Variants in GINS1 observed in about 807,000 individuals in gnomAD.
GINS1 encodes the protein GINS complex subunit 1.
GINS1 carries 26 observed loss-of-function variants against 34.9 expected under a neutral mutation model. The ratio of observed to expected loss-of-function variants is 0.74; its 90% CI spans 0.55 to 1.03. The LOEUF (loss-of-function observed/expected upper bound fraction) is 1.03, where lower values mean the gene tolerates loss of function less well. Ranked by LOEUF, GINS1 falls within the 50% of genes least tolerant of loss-of-function variation. GINS1 has a pLI of 0.00. For missense variants in GINS1, 235 were observed against 237.9 expected, an observed-to-expected ratio of 0.99 and a Z score of 0.08; for synonymous variants, 97 against 84.4, an observed-to-expected ratio of 1.15 and a Z score of -0.82.
rs1440650979 is a variant in GINS1, at chr20:25,407,995, C to T, written c.75+100C>T. On this transcript the variant is annotated intron_variant, in intron 1 of 6. Coordinates refer to ENST00000262460, the MANE Select transcript of GINS1 (RefSeq NM_021067.5). ...AGGGTTCACTTTCGCACCTTGTTCC[C>T]TCCGAGCTCCGGAAAACTTGGGAAG... is the stretch of plus-strand genomic sequence containing the variant. 24 of 811,360 alleles carry T rather than the reference C, an allele frequency of 3.0e-5. No homozygotes were observed. The Admixed American group carries it at 3.9e-4, about 13-fold the overall frequency. 50.3% of individuals were successfully genotyped at this position (811,360 alleles called of 1,614,324 possible).
chr20:25,440,052 G>A (rs2090474157), intron 5 of GINS1, among the ~76,000 whole-genome samples: 1 of 151,208 alleles, frequency 6.6e-6, no homozygotes, highest in African/African-American at 2.4e-5. Flanking sequence ...TTATTTATTT[G>A]AGACGGAGTC....
intron 5 of GINS1, among the ~76,000 whole-genome samples, chr20:25,439,994 C>CA (rs34429395): frequency 0.019 from 2,343 of 124,606 alleles, 40 homozygotes; most frequent in African/African-American, 0.06. Context: ...GACTCTGTCT[C>CA]AAAAAAAAAA....
chr20:25,407,774 G>C lies in GINS1; in HGVS notation c.-47G>C. On this transcript the variant is annotated 5_prime_UTR_variant, in exon 1 of 7. Coordinates refer to ENST00000262460, the MANE Select transcript of GINS1 (RefSeq NM_021067.5). ...CCGAGAGCCCAGATACCATTTTGGC[G>C]TGAGAGCTGGTGGTTGGCAAGGCCG... 8 of 1,454,382 alleles carry C rather than the reference G, an allele frequency of 5.5e-6. No individual in the cohort carries two copies. The highest frequency in any genetic ancestry group is 7.7e-6 in the Non-Finnish European group (8 of 1,035,556). The allele number at this position is 1,454,382 out of a possible 1,614,324, so 90.1% of individuals were successfully genotyped here.
At chr20:25,436,954 G>A (rs2090457732) in intron 5 of GINS1, among the ~76,000 whole-genome samples, 1 of 152,148 alleles carries the variant, frequency 6.6e-6, no homozygotes, top group African/African-American at 2.4e-5. Context: ...TTCCCCCAGG[G>A]TTTGCTGGTT....
At chr20:25,408,542 ACATTAT>A (rs1439519811) in intron 1 of GINS1, among the ~76,000 whole-genome samples, 2 of 152,232 alleles carry the variant, frequency 1.3e-5, no homozygotes, top group African/African-American at 4.8e-5. Context: ...CACTTCATGT[ACATTAT>A]CTTTTGTCTT....
intron 5 of GINS1, among the ~76,000 whole-genome samples, chr20:25,431,647 T>A (rs2090427638): frequency 6.6e-6 from 1 of 151,304 alleles, no homozygotes; most frequent in Non-Finnish European, 1.5e-5. Flanking sequence ...CTCAGCTCAC[T>A]TCATCCTCCG....
chr20:25,417,691 A>G (rs1472266263), intron 3 of GINS1, among the ~76,000 whole-genome samples: 1 of 152,136 alleles, frequency 6.6e-6, no homozygotes, highest in Non-Finnish European at 1.5e-5. Context: ...CCCTGTCTCT[A>G]CTAAAAATAC....
intron 5 of GINS1, among the ~76,000 whole-genome samples, chr20:25,435,575 C>G (rs546858915): frequency 1.3e-5 from 2 of 151,560 alleles, no homozygotes; most frequent in Non-Finnish European, 2.9e-5. Context: ...CTGAGCAAAA[C>G]GATGAAACCC....
At chr20:25,433,303 A>G (rs1370541668) in intron 5 of GINS1, among the ~76,000 whole-genome samples, 2 of 151,706 alleles carry the variant, frequency 1.3e-5, no homozygotes, top group African/African-American at 4.8e-5. Flanking sequence ...TGCCTTCTTC[A>G]GTATTTAGTT....
Position 25,441,560 on chromosome 20 carries a change from A to G in GINS1, c.448-142A>G, listed in dbSNP as rs184737599. ...CACTTGGAACTATTAGAATACCACA[A>G]TAGTAGTACTAGGCCTAAGTACATG... On this transcript the variant is annotated intron_variant, in intron 5 of 6. Coordinates refer to ENST00000262460, the MANE Select transcript of GINS1 (RefSeq NM_021067.5). 4 of 511,150 alleles carry G rather than the reference A, an allele frequency of 7.8e-6. No homozygotes were observed. In the East Asian group the frequency reaches 1.3e-4, roughly 16 times the overall value. The allele number at this position is 511,150 out of a possible 1,614,324, so 31.7% of individuals were successfully genotyped here.
intron 4 of GINS1, among the ~76,000 whole-genome samples, chr20:25,421,755 CTT>C (rs1364503859): frequency 6.6e-6 from 1 of 151,970 alleles, no homozygotes; most frequent in Non-Finnish European, 1.5e-5. Context: ...CTACATTTCC[CTT>C]TTATCTGTGA....
At chr20:25,442,378 A>G (rs566009785) in intron 6 of GINS1, among the ~76,000 whole-genome samples, 3 of 150,622 alleles carry the variant, frequency 2.0e-5, no homozygotes, top group Admixed American at 6.6e-5. Flanking sequence ...CTGTCTATCT[A>G]TCTATCTATC....
At chr20:25,439,645 A>G (rs892332669) in intron 5 of GINS1, among the ~76,000 whole-genome samples, 1 of 152,204 alleles carries the variant, frequency 6.6e-6, no homozygotes, top group Admixed American at 6.5e-5. Flanking sequence ...ACCTTAAAAA[A>G]AATTCATGAG....
At position 25,444,078 on chromosome 20, in the gene GINS1, C is replaced by A. The variant is rs545089515; in HGVS notation, c.523-1845C>A. Among the ~76,000 whole-genome samples the A allele has an allele frequency of 2.6e-5, 4 of 151,970 alleles. No individual in the cohort carries two copies. In the South Asian group the frequency reaches 8.3e-4, roughly 32 times the overall value. ...CCAGGCTGTAGTGCAGTGGCGTGAT[C>A]TTGGCTCACTGCAACCTCTGCCTTC... is the stretch of plus-strand genomic sequence containing the variant. On this transcript the variant is annotated intron_variant, in intron 6 of 6. Transcript: ENST00000262460.
intron 5 of GINS1, among the ~76,000 whole-genome samples, chr20:25,437,791 A>G (rs1029249198): frequency 1.3e-5 from 2 of 152,176 alleles, no homozygotes; most frequent in Admixed American, 1.3e-4. Flanking sequence ...GAATAGAGCA[A>G]AAGGGTAATT....
rs1159340467 is a variant in GINS1 at position 25,423,452 on chromosome 20, C to CT, written c.331-1725dup. ...AAGGTTATTAAGATATTTTTCTTTT[C>CT]TTTTTTTTTTTTTTTTTTTTTTTTT... On this transcript the variant is annotated intron_variant, in intron 4 of 6. Transcript: ENST00000262460. 1.1e-3 allele frequency among the ~76,000 whole-genome samples: 33 copies of CT among 29,990 alleles called. 2 individuals are homozygous for CT. Among genetic ancestry groups the CT allele is most frequent in the East Asian group, 2.3e-3 (1 of 428 alleles). The allele number at this position is 29,990 out of a possible 152,430, so 19.7% of individuals were successfully genotyped here.
chr20:25,433,724 A>G (rs1453565291), intron 5 of GINS1, among the ~76,000 whole-genome samples: 1 of 152,186 alleles, frequency 6.6e-6, no homozygotes, highest in African/African-American at 2.4e-5. Context: ...TTTAATTTCA[A>G]CTTACAGCAG....
At chr20:25,441,008 A>G (rs1417326109) in intron 5 of GINS1, among the ~76,000 whole-genome samples, 2 of 152,168 alleles carry the variant, frequency 1.3e-5, no homozygotes, top group African/African-American at 4.8e-5. Flanking sequence ...TCTCCTGGCA[A>G]CAACAGCAGT....
At chr20:25,415,754 A>C (rs2090316965) in intron 2 of GINS1, among the ~76,000 whole-genome samples, 1 of 152,156 alleles carries the variant, frequency 6.6e-6, no homozygotes, top group South Asian at 2.1e-4. Context: ...CAGACATGAA[A>C]TATAGATATG....
Sources: allele counts gnomAD v4.1 joint callset (sites outside exome capture counted in the v4.1 genomes callset), GRCh38; gene constraint gnomAD v4.1.1; transcripts MANE v1.5; gene names NCBI Gene and HGNC (gene_info 2026-07-23, HGNC 2026-07-21).